CCSER2: variants seen among roughly 807,000 people sequenced by gnomAD.
The protein encoded by CCSER2 is serine-rich coiled-coil domain-containing protein 2.
CCSER2 carries 46 observed loss-of-function variants against 92.3 expected under a neutral mutation model. The ratio of observed to expected loss-of-function variants is 0.50; its 90% CI spans 0.39 to 0.64. CCSER2 has a LOEUF of 0.64. Ranked by LOEUF, CCSER2 falls within the 30% of genes least tolerant of loss-of-function variation. The pLI is 0.00. For missense variants in CCSER2, 1,244 were observed against 1,238.9 expected (o/e 1.00, Z -0.06); for synonymous variants, 433 against 431.4 (o/e 1.00, Z -0.04).
At chr10:84,452,150 A>C (rs960487520) in intron 6 of CCSER2, 24 of 152,340 alleles carry the variant, frequency 1.6e-4, no homozygotes, top group African/African-American at 5.5e-4. Flanking sequence ...AACACAAGGC[A>C]GCTTTGTTGA....
At position 84,371,910 on chromosome 10, in the gene CCSER2, G is replaced by C. The variant is rs1402802984; in HGVS notation, c.858G>C (p.Leu286Phe). Reference protein sequence around the residue: ...QPEVLNGNEHLGYGFNRPYAA... With the variant: ...QPEVLNGNEHFGYGFNRPYAA... ...AAGTACTCAATGGGAATGAACATTT[G>C]GGGTATGGATTTAATAGGCCTTATG... Residue 286 changes from leucine (L) to phenylalanine (F), a missense_variant, in exon 2 of 10, where the codon TTG becomes TTC. Coordinates refer to ENST00000372088, the MANE Select transcript of CCSER2 (RefSeq NM_001284240.2). The C allele has an allele frequency of 6.2e-7, 1 of 1,613,732 alleles. No homozygotes were observed. The highest frequency in any genetic ancestry group is 8.5e-7 in the Non-Finnish European group (1 of 1,179,854).
intron 9 of CCSER2, among the ~76,000 whole-genome samples, chr10:84,489,964 A>G (rs1045367772): frequency 1.3e-5 from 2 of 152,050 alleles, no homozygotes; most frequent in African/African-American, 4.8e-5. Context: ...GCATTTGTTT[A>G]TCTGTAAAGT....
At chr10:84,443,664 A>G (rs922955337) in intron 6 of CCSER2, among the ~76,000 whole-genome samples, 2 of 152,216 alleles carry the variant, frequency 1.3e-5, no homozygotes, top group African/African-American at 4.8e-5. Context: ...AGGATTATAA[A>G]TCATTTTACT....
intron 1 of CCSER2, among the ~76,000 whole-genome samples, chr10:84,367,489 G>A (rs572772545): frequency 6.6e-6 from 1 of 151,550 alleles, no homozygotes; most frequent in South Asian, 2.1e-4. Context: ...TGATCTTCCC[G>A]CTTTAGCCTT....
rs754781796 is a variant in CCSER2, at chr10:84,361,729, C to T, written c.-39-9285C>T. On this transcript the variant is annotated intron_variant, in intron 1 of 9. Coordinates refer to ENST00000372088, the MANE Select transcript of CCSER2 (RefSeq NM_001284240.2). ...CAATCTCACCTCACTGCAACCTCTGCGTTTTGGATTTTTGGATTCTCCTGC... is the reference window on the plus strand; with the variant it reads ...CAATCTCACCTCACTGCAACCTCTGTGTTTTGGATTTTTGGATTCTCCTGC... 2.6e-5 allele frequency among the ~76,000 whole-genome samples: 4 copies of T among 151,866 alleles called. 1 individual carries two copies. The highest frequency in any genetic ancestry group is 4.2e-4 in the South Asian group (2 of 4,808).
intron 9 of CCSER2, among the ~76,000 whole-genome samples, chr10:84,505,609 C>A (rs1848998763): frequency 6.6e-6 from 1 of 151,948 alleles, no homozygotes; most frequent in African/African-American, 2.4e-5. Flanking sequence ...AAAAACTTTA[C>A]TAATTCAATT....
chr10:84,390,859 A>G (rs542706541), intron 3 of CCSER2: 2 of 600,124 alleles, frequency 3.3e-6, no homozygotes, highest in South Asian at 3.5e-5. Flanking sequence ...AATCATACAG[A>G]CACAGTATAA....
chr10:84,393,352 A>G (rs568056684), intron 3 of CCSER2, among the ~76,000 whole-genome samples: 78 of 152,306 alleles, frequency 5.1e-4, no homozygotes, highest in African/African-American at 1.8e-3. Flanking sequence ...GTGGTAAAAG[A>G]TGTGTAAAAG....
At chr10:84,414,762 C>A (rs1301933865) in intron 3 of CCSER2, among the ~76,000 whole-genome samples, 2 of 152,084 alleles carry the variant, frequency 1.3e-5, no homozygotes, top group African/African-American at 4.8e-5. Flanking sequence ...TTCCATTCTC[C>A]CCATCTCTTT....
chr10:84,406,853 T>C (rs1842404849), intron 3 of CCSER2, among the ~76,000 whole-genome samples: 1 of 152,206 alleles, frequency 6.6e-6, no homozygotes, highest in South Asian at 2.1e-4. Flanking sequence ...TTCTACCCTG[T>C]GCAGATGATT....
At chr10:84,341,509 TG>T (rs1354609657) in intron 1 of CCSER2, among the ~76,000 whole-genome samples, 1 of 152,006 alleles carries the variant, frequency 6.6e-6, no homozygotes, top group Admixed American at 6.6e-5. Context: ...TTACACTAAA[TG>T]TATGGAGATT....
intron 8 of CCSER2, among the ~76,000 whole-genome samples, chr10:84,471,027 A>T (rs886460880): frequency 6.6e-6 from 1 of 152,130 alleles, no homozygotes; most frequent in Admixed American, 6.5e-5. Context: ...CTTAGTTTGT[A>T]TATAAAAGAC....
At chr10:84,437,263 A>G (rs1412740102) in intron 5 of CCSER2, among the ~76,000 whole-genome samples, 1 of 152,172 alleles carries the variant, frequency 6.6e-6, no homozygotes, top group Non-Finnish European at 1.5e-5. Flanking sequence ...TCACACCTGT[A>G]ATCCCAGAAC....
At chr10:84,407,360 A>G (rs1376760520) in intron 3 of CCSER2, among the ~76,000 whole-genome samples, 4 of 150,942 alleles carry the variant, frequency 2.7e-5, no homozygotes, top group African/African-American at 4.9e-5. Context: ...CATTTGTTTT[A>G]TTTACTTGTT....
At chr10:84,395,033 G>C (rs7916381) in intron 3 of CCSER2, among the ~76,000 whole-genome samples, 31,855 of 151,784 alleles carry the variant, frequency 0.21, 3,589 homozygotes, top group Admixed American at 0.34. Flanking sequence ...AGACCAGACT[G>C]AGCAATGTAA....
rs1040030643 is a variant in CCSER2 at position 84,516,043 on chromosome 10, T to C, written c.*1776T>C. On this transcript the variant is annotated 3_prime_UTR_variant, in exon 10 of 10. Coordinates refer to ENST00000372088, the MANE Select transcript of CCSER2 (RefSeq NM_001284240.2). ...TGTTTTGAGCAGCTGACCAAAAATA[T>C]ATCAAACAGGATTATGGCCAAAAAG... The C allele has an allele frequency of 6.6e-6, 1 of 152,192 alleles. No homozygotes were observed. Among genetic ancestry groups the C allele is most frequent in the South Asian group, 2.1e-4 (1 of 4,828 alleles). The allele number at this position is 152,192 out of a possible 1,614,324, so 9.4% of individuals were successfully genotyped here.
At chr10:84,406,213 C>CAA (rs966050970) in intron 3 of CCSER2, among the ~76,000 whole-genome samples, 3 of 152,018 alleles carry the variant, frequency 2.0e-5, no homozygotes, top group Admixed American at 2.0e-4. Flanking sequence ...TCTTGAAAGA[C>CAA]AAAACTATGG....
At chr10:84,369,671 C>A (rs931395428) in intron 1 of CCSER2, among the ~76,000 whole-genome samples, 1 of 151,834 alleles carries the variant, frequency 6.6e-6, no homozygotes, top group Non-Finnish European at 1.5e-5. Flanking sequence ...AATTAGGTCT[C>A]ATTTATTTTT....
intron 9 of CCSER2, among the ~76,000 whole-genome samples, chr10:84,498,297 T>C (rs1848553755): frequency 6.6e-6 from 1 of 152,368 alleles, no homozygotes; most frequent in East Asian, 1.9e-4. Flanking sequence ...GTAGTATCTA[T>C]GGAGAGCATC....
Sources: allele counts gnomAD v4.1 joint callset (sites outside exome capture counted in the v4.1 genomes callset), GRCh38; gene constraint gnomAD v4.1.1; transcripts MANE v1.5; gene names NCBI Gene and HGNC (gene_info 2026-07-23, HGNC 2026-07-21).